The following PUDP variants were observed in gnomAD, a reference collection of about 807,000 sequenced individuals.
PUDP encodes the protein pseudouridine-5'-phosphatase.
Under a neutral mutation model 9.4 loss-of-function variants are expected in PUDP, and 8 were observed. The ratio of observed to expected loss-of-function variants is 0.85; its 90% CI spans 0.50 to 1.53. PUDP has a LOEUF of 1.53. Ranked by LOEUF, PUDP falls within the 40% of genes most tolerant of loss-of-function variation. PUDP has a pLI of 0.00. For missense variants in PUDP, 188 were observed against 189.7 expected, an observed-to-expected ratio of 0.99 and a Z score of 0.05; for synonymous variants, 99 against 80.7, an observed-to-expected ratio of 1.23 and a Z score of -1.22.
At chrX:6,714,548 G>A (rs972736932) in intron 1 of PUDP, among the ~76,000 whole-genome samples, 6 of 100,261 alleles carry the variant, frequency 6.0e-5, no homozygotes, top group African/African-American at 2.6e-4. Flanking sequence ...ATGATATATA[G>A]ATATGATAGA....
chrX:6,888,343 T>C (rs1005213119), intron 3 of PUDP, among the ~76,000 whole-genome samples: 29 of 110,492 alleles, frequency 2.6e-4, no homozygotes, highest in Admixed American at 1.9e-4. Context: ...AACATTTTTT[T>C]ATCAAGAGGA....
chrX:6,763,196 C>T (rs994673959), intron 3 of PUDP, among the ~76,000 whole-genome samples: 14 of 112,232 alleles, frequency 1.2e-4, no homozygotes, highest in Non-Finnish European at 5.6e-5. Flanking sequence ...CGAGACCAGT[C>T]TGGCCAACAT....
chrX:7,136,700 C>T (rs902892746), intron 1 of PUDP, among the ~76,000 whole-genome samples: 18 of 97,748 alleles, frequency 1.8e-4, no homozygotes, highest in East Asian at 1.5e-3. Context: ...AGTGGGACCC[C>T]CCCCCCCAAC....
intron 1 of PUDP, among the ~76,000 whole-genome samples, chrX:7,111,268 A>C (rs1188585502): frequency 9.0e-6 from 1 of 110,898 alleles, no homozygotes; most frequent in Admixed American, 9.6e-5. Flanking sequence ...TCTTTATAGC[A>C]GTGTGAGAAC....
intron 3 of PUDP, among the ~76,000 whole-genome samples, chrX:6,851,167 C>T: frequency 8.9e-6 from 1 of 112,051 alleles, no homozygotes; most frequent in Non-Finnish European, 1.9e-5. Flanking sequence ...TATTTCCTTT[C>T]TTGAATTCTG....
At chrX:6,999,629 T>A (rs1039402174) in intron 1 of PUDP, among the ~76,000 whole-genome samples, 9 of 110,558 alleles carry the variant, frequency 8.1e-5, no homozygotes, top group African/African-American at 3.0e-4. Context: ...TTAAGTGAAA[T>A]TTTAAAACAC....
intron 3 of PUDP, among the ~76,000 whole-genome samples, chrX:6,975,423 T>C (rs763139942): frequency 9.0e-6 from 1 of 111,424 alleles, no homozygotes; most frequent in African/African-American, 3.3e-5. Flanking sequence ...TTGATGTTGA[T>C]GCTATTCCTT....
At chrX:6,801,573 CT>C (rs1011977125) in intron 3 of PUDP, among the ~76,000 whole-genome samples, 12 of 111,057 alleles carry the variant, frequency 1.1e-4, no homozygotes, top group Admixed American at 3.9e-4. Flanking sequence ...GTCAGTCCCC[CT>C]CGCCACACAC....
At chrX:6,872,108 A>G (rs1295121383) in intron 3 of PUDP, among the ~76,000 whole-genome samples, 2 of 110,357 alleles carry the variant, frequency 1.8e-5, no homozygotes, top group African/African-American at 6.6e-5. Flanking sequence ...TGACCTCATC[A>G]CTTCCCCAAG....
intron 2 of PUDP, among the ~76,000 whole-genome samples, chrX:7,088,671 G>A (rs1195725953): frequency 1.8e-5 from 2 of 112,226 alleles, no homozygotes; most frequent in Non-Finnish European, 3.8e-5. Context: ...ACATGTGAGT[G>A]TCCTTGTGTT....
intron 1 of PUDP, among the ~76,000 whole-genome samples, chrX:7,145,129 T>C (rs1168363374): frequency 8.9e-6 from 1 of 112,164 alleles, no homozygotes; most frequent in Non-Finnish European, 1.9e-5. Context: ...CACACACAGA[T>C]TTTGAGGACC....
At chrX:6,977,160 T>C (rs1013167180) in exon 3 of PUDP, among the ~76,000 whole-genome samples, 1 of 111,937 alleles carries the variant, frequency 8.9e-6, no homozygotes, top group Non-Finnish European at 1.9e-5. Context: ...CTTCTGCAAA[T>C]CCATGCTCTT....
chrX:6,988,387 AG>A (rs1168229782), intron 1 of PUDP, among the ~76,000 whole-genome samples: 3 of 111,770 alleles, frequency 2.7e-5, no homozygotes, highest in Non-Finnish European at 5.6e-5. Flanking sequence ...GAACTGGGAG[AG>A]AAGAGAGTTT....
chrX:7,008,312 G>A (rs1232000585), intron 1 of PUDP, among the ~76,000 whole-genome samples: 3 of 110,944 alleles, frequency 2.7e-5, no homozygotes, highest in Non-Finnish European at 3.8e-5. Flanking sequence ...TCCCAAGGTC[G>A]GTGAATCACC....
intron 3 of PUDP, among the ~76,000 whole-genome samples, chrX:6,965,040 G>C (rs1019107187): frequency 8.0e-5 from 9 of 111,982 alleles, no homozygotes; most frequent in Non-Finnish European, 1.3e-4. Context: ...GTCAGTAACT[G>C]TTTTTGCATG....
rs147992433 is a variant in PUDP at position 6,938,628 on chromosome X, T to TAA, written c.*247+38503_*247+38504dup. Among the ~76,000 whole-genome samples the TAA allele has an allele frequency of 2.6e-3, 254 of 98,677 alleles. 2 individuals are homozygous for TAA. The highest frequency in any genetic ancestry group is 8.0e-3 in the African/African-American group (216 of 27,029). 85.7% of individuals were successfully genotyped at this position (98,677 alleles called of 115,157 possible). A position where few individuals can be genotyped will look rare whatever the true frequency, so the allele number is the denominator to read the frequency against. ...TGCACATGTACCCTAGAACTTAAAT[T>TAA]AAAAAAAAAAAAATCCAGTAGCTGG... On this transcript the variant is annotated intron_variant and NMD_transcript_variant, in intron 3 of 3. Coordinates refer to the PUDP transcript ENST00000655425.
chrX:7,142,019 G>A (rs917598666), intron 1 of PUDP, among the ~76,000 whole-genome samples: 1 of 112,031 alleles, frequency 8.9e-6, no homozygotes, highest in African/African-American at 3.2e-5. Context: ...CAACGTACCT[G>A]GTCACCCAAG....
rs4011478 is a variant in PUDP, at chrX:7,041,867, CTT to C, written c.204+35351_204+35352del. On this transcript the variant is annotated intron_variant and NMD_transcript_variant, in intron 1 of 3. Coordinates refer to the PUDP transcript ENST00000655425. ...TCTACTTCCCAGTCTCTCTCTCTCT[CTT>C]TTTTTTTTTTTTGAGACAGGGGTCT... Among the ~76,000 whole-genome samples, 775 of 98,585 alleles carry C rather than the reference CTT, an allele frequency of 7.9e-3. 5 individuals are homozygous for C. The highest frequency in any genetic ancestry group is 0.024 in the African/African-American group (632 of 26,485). 85.6% of individuals were successfully genotyped at this position (98,585 alleles called of 115,157 possible).
At chrX:6,881,432 G>A (rs1467297112) in intron 3 of PUDP, among the ~76,000 whole-genome samples, 2 of 111,595 alleles carry the variant, frequency 1.8e-5, no homozygotes, top group Non-Finnish European at 3.8e-5. Flanking sequence ...TTCTTAGAGT[G>A]GATGCACCAA....
Sources: allele counts gnomAD v4.1 joint callset (sites outside exome capture counted in the v4.1 genomes callset), GRCh38; gene constraint gnomAD v4.1.1; transcripts MANE v1.5; gene names NCBI Gene and HGNC (gene_info 2026-07-23, HGNC 2026-07-21).